The following SLC4A10 variants were observed in gnomAD, a reference collection of about 807,000 sequenced individuals.
The protein encoded by SLC4A10 is solute carrier family 4 member 10.
In SLC4A10, 42 loss-of-function variants were observed where a neutral mutation model predicts 137.7. That is an observed-to-expected ratio of 0.30 (90% confidence interval 0.24 to 0.39). The LOEUF (loss-of-function observed/expected upper bound fraction) is 0.39. SLC4A10 is among the 10% of genes least tolerant of loss of function. The pLI is 1.00. For missense variants in SLC4A10, 925 were observed against 1,355.0 expected (o/e 0.68, Z 4.98); for synonymous variants, 474 against 464.1 (o/e 1.02, Z -0.27).
At chr2:161,933,328 T>C (rs1435953049) in intron 15 of SLC4A10, among the ~76,000 whole-genome samples, 7 of 150,970 alleles carry the variant, frequency 4.6e-5, no homozygotes, top group African/African-American at 1.7e-4. Context: ...CTCTCTTTTC[T>C]CTTTTTTCTT....
intron 1 of SLC4A10, among the ~76,000 whole-genome samples, chr2:161,639,591 C>T (rs2034983706): frequency 6.6e-6 from 1 of 152,098 alleles, no homozygotes; most frequent in Non-Finnish European, 1.5e-5. Flanking sequence ...GATAAAAACC[C>T]TCCCAAATTA....
At chr2:161,927,198 A>C (rs186499990) in intron 15 of SLC4A10, among the ~76,000 whole-genome samples, 1 of 152,190 alleles carries the variant, frequency 6.6e-6, no homozygotes, top group Non-Finnish European at 1.5e-5. Flanking sequence ...AGGTACACCA[A>C]TCGGACGTAG....
At chr2:161,952,562 A>T (rs936455458) in intron 19 of SLC4A10, among the ~76,000 whole-genome samples, 1 of 152,158 alleles carries the variant, frequency 6.6e-6, no homozygotes. Context: ...AAAGTTGTGT[A>T]TTTTTGCCCC....
In SLC4A10 at chr2:161,926,069, C is replaced by A. The variant is rs538966199; in HGVS notation, c.1998-16723C>A. Among the ~76,000 whole-genome samples, 69 of 151,936 alleles carry A rather than the reference C, an allele frequency of 4.5e-4. No homozygotes were observed. In the East Asian group the frequency reaches 0.013, roughly 28 times the overall value. On this transcript the variant is annotated intron_variant, in intron 15 of 26. Transcript: ENST00000446997. ...GAGTTCTGTAGATGTCTATTAGGTC[C>A]GCTTGGTGCAGAGCTGAGTTCAATT...
At chr2:161,649,381 A>G (rs938690010) in intron 1 of SLC4A10, among the ~76,000 whole-genome samples, 2 of 152,244 alleles carry the variant, frequency 1.3e-5, no homozygotes, top group Non-Finnish European at 2.9e-5. Context: ...GCTTTTGCCA[A>G]TCTAATGATT....
intron 1 of SLC4A10, among the ~76,000 whole-genome samples, chr2:161,726,775 G>A (rs1281777309): frequency 1.3e-5 from 2 of 152,146 alleles, no homozygotes; most frequent in Non-Finnish European, 2.9e-5. Flanking sequence ...TAGGTGTGGT[G>A]GCACATGCCT....
chr2:161,742,846 C>T lies in SLC4A10; in HGVS notation c.49-28127C>T, dbSNP rs550885525. Among the ~76,000 whole-genome samples the T allele has an allele frequency of 6.0e-4, 91 of 152,208 alleles. 2 individuals are homozygous for T. The South Asian group carries it at 0.018, about 31-fold the overall frequency. On this transcript the variant is annotated intron_variant, in intron 1 of 26. Transcript: ENST00000446997. Reference sequence around the variant, plus strand: ...GATATCTCATCATACTTTTGGTTTGCATTTGCATTTTTCTGATAATCAGTC... The same window carrying T: ...GATATCTCATCATACTTTTGGTTTGTATTTGCATTTTTCTGATAATCAGTC...
intron 3 of SLC4A10, among the ~76,000 whole-genome samples, chr2:161,836,315 T>G (rs533260405): frequency 6.6e-6 from 1 of 151,732 alleles, no homozygotes; most frequent in South Asian, 2.1e-4. Context: ...CTGGCCAACA[T>G]GGCAAAACCC....
intron 4 of SLC4A10, among the ~76,000 whole-genome samples, chr2:161,852,175 T>C (rs1466509258): frequency 1.3e-5 from 2 of 152,204 alleles, no homozygotes; most frequent in Non-Finnish European, 2.9e-5. Flanking sequence ...CTAGAAACCT[T>C]AATTGAGGAC....
intron 1 of SLC4A10, among the ~76,000 whole-genome samples, chr2:161,694,123 G>A (rs1177730635): frequency 2.0e-5 from 3 of 152,022 alleles, no homozygotes; most frequent in Admixed American, 6.6e-5. Flanking sequence ...TTGAGAACAT[G>A]TGTGACTTTG....
intron 15 of SLC4A10, among the ~76,000 whole-genome samples, chr2:161,927,347 A>G (rs536256212): frequency 5.6e-4 from 85 of 152,214 alleles, no homozygotes; most frequent in African/African-American, 2.0e-3. Flanking sequence ...CCAGTTGATC[A>G]CATCAGCTCC....
chr2:161,742,215 C>A (rs1372809518), intron 1 of SLC4A10, among the ~76,000 whole-genome samples: 1 of 152,032 alleles, frequency 6.6e-6, no homozygotes, highest in Non-Finnish European at 1.5e-5. Context: ...TTTTCTTTAT[C>A]CAGTCATCTG....
At chr2:161,714,501 A>C (rs1265322305) in intron 1 of SLC4A10, among the ~76,000 whole-genome samples, 1 of 151,980 alleles carries the variant, frequency 6.6e-6, no homozygotes, top group Non-Finnish European at 1.5e-5. Flanking sequence ...ATATTCCTCC[A>C]TGAAACTACT....
At chr2:161,743,077 C>T (rs1193368861) in intron 1 of SLC4A10, among the ~76,000 whole-genome samples, 7 of 152,032 alleles carry the variant, frequency 4.6e-5, no homozygotes. Flanking sequence ...GTTCTCTTCA[C>T]TTTGTTGATT....
At chr2:161,703,745 T>C (rs539130412) in intron 1 of SLC4A10, among the ~76,000 whole-genome samples, 2 of 151,850 alleles carry the variant, frequency 1.3e-5, no homozygotes, top group East Asian at 3.9e-4. Flanking sequence ...TATTAAGGTT[T>C]GCTGCAGTCA....
intron 1 of SLC4A10, among the ~76,000 whole-genome samples, chr2:161,697,137 A>T (rs1363161174): frequency 1.3e-5 from 2 of 151,966 alleles, no homozygotes; most frequent in African/African-American, 2.4e-5. Flanking sequence ...TCCTTCGCCC[A>T]CTTTTTGATG....
chr2:161,629,458 A>G (rs2033113409), intron 1 of SLC4A10, among the ~76,000 whole-genome samples: 1 of 151,714 alleles, frequency 6.6e-6, no homozygotes, highest in African/African-American at 2.4e-5. Context: ...CAGAAGGTAC[A>G]GAGATTTCCC....
chr2:161,977,711 T>C lies in SLC4A10; in HGVS notation c.3345-11T>C, dbSNP rs769939780. On this transcript the variant is annotated splice_polypyrimidine_tract_variant and intron_variant, in intron 25 of 26. Coordinates refer to ENST00000446997, the MANE Select transcript of SLC4A10 (RefSeq NM_001178015.2). ...TTCTACTTAATTTTTATATTACATT[T>C]TTGTCATAAGCTCCCCTTCCTAATC... 11 of 1,597,398 alleles carry C rather than the reference T, an allele frequency of 6.9e-6. No homozygotes were observed. The East Asian group carries it at 2.2e-4, about 33-fold the overall frequency.
intron 1 of SLC4A10, among the ~76,000 whole-genome samples, chr2:161,630,955 C>T (rs2033433883): frequency 6.6e-6 from 1 of 151,662 alleles, no homozygotes; most frequent in Non-Finnish European, 1.5e-5. Flanking sequence ...AAAAAAGAAT[C>T]CCATTATAAA....
Sources: allele counts gnomAD v4.1 joint callset (sites outside exome capture counted in the v4.1 genomes callset), GRCh38; gene constraint gnomAD v4.1.1; transcripts MANE v1.5; gene names NCBI Gene and HGNC (gene_info 2026-07-23, HGNC 2026-07-21).